SRBD1: variants seen among roughly 807,000 people sequenced by gnomAD.
SRBD1 encodes S1 RNA binding domain 1.
A neutral mutation model predicts 115.3 loss-of-function variants in SRBD1; 88 were observed. The ratio of observed to expected loss-of-function variants is 0.76; its 90% CI spans 0.64 to 0.91. The LOEUF is 0.91. Ranked by LOEUF, SRBD1 falls within the 40% of genes least tolerant of loss-of-function variation. SRBD1 has a pLI of 0.00. For missense variants in SRBD1, 1,385 were observed against 1,177.4 expected (o/e 1.18, Z -2.58); for synonymous variants, 509 against 407.7 (o/e 1.25, Z -2.99).
At chr2:45,546,881 T>A (rs892335463) in intron 13 of SRBD1, 42 bp from the exon 14 acceptor site, 26 of 1,571,064 alleles carry the variant, frequency 1.7e-5, no homozygotes, top group Non-Finnish European at 2.3e-5. Context: ...TTTCAAGGCA[T>A]GCTTTGAAAT....
At chr2:45,485,150 A>T (rs1670080150) in intron 15 of SRBD1, among the ~76,000 whole-genome samples, 1 of 152,146 alleles carries the variant, frequency 6.6e-6, no homozygotes, top group African/African-American at 2.4e-5. Context: ...CTTTTTAAAC[A>T]GACTTTCAAC....
At chr2:45,479,405 A>G (rs1374190447) in intron 15 of SRBD1, among the ~76,000 whole-genome samples, 1 of 152,232 alleles carries the variant, frequency 6.6e-6, no homozygotes, top group African/African-American at 2.4e-5. Flanking sequence ...GAGTTCTTGA[A>G]GGAAATTAAA....
chr2:45,452,408 T>G (rs150123216), intron 16 of SRBD1, among the ~76,000 whole-genome samples: 1 of 151,962 alleles, frequency 6.6e-6, no homozygotes, highest in African/African-American at 2.4e-5. Flanking sequence ...CAAGTAAGCA[T>G]CTAATAATAT....
At chr2:45,609,278 CTTT>C (rs973298103) in intron 1 of SRBD1, among the ~76,000 whole-genome samples, 1 of 152,170 alleles carries the variant, frequency 6.6e-6, no homozygotes, top group Non-Finnish European at 1.5e-5. Context: ...TGTTACAAAT[CTTT>C]TTTTCTTTCA....
chr2:45,555,910 C>T (rs532192214), intron 10 of SRBD1, among the ~76,000 whole-genome samples: 24 of 152,282 alleles, frequency 1.6e-4, no homozygotes, highest in Admixed American at 1.1e-3. Flanking sequence ...TTTCATCCAT[C>T]TACAGCATCT....
At chr2:45,460,458 CGA>C (rs1416565381) in intron 16 of SRBD1, among the ~76,000 whole-genome samples, 1 of 151,926 alleles carries the variant, frequency 6.6e-6, no homozygotes, top group Non-Finnish European at 1.5e-5. Context: ...GGAAGGGAGT[CGA>C]GGAAACAGGC....
At position 45,571,509 on chromosome 2, in the gene SRBD1, G is replaced by A. The variant is rs1340374863; in HGVS notation, c.1305+1698C>T. Among the ~76,000 whole-genome samples, 3 of 47,768 alleles carry A rather than the reference G, an allele frequency of 6.3e-5. No homozygotes were observed. In the East Asian group the frequency reaches 2.3e-3, roughly 36 times the overall value. 31.3% of individuals were successfully genotyped at this position (47,768 alleles called of 152,430 possible). A position where few individuals can be genotyped will look rare whatever the true frequency, so the allele number is the denominator to read the frequency against. On this transcript the variant is annotated intron_variant, in intron 9 of 20. Transcript: ENST00000263736. Reference sequence around the variant, plus strand: ...CAAGTTATAAAATACAACATATCCAGACTTTACCAAAAAAAAAAAAAAAAA... The same window carrying A: ...CAAGTTATAAAATACAACATATCCAAACTTTACCAAAAAAAAAAAAAAAAA...
rs747827680 is a variant in SRBD1 at position 45,553,658 on chromosome 2, T to A, written c.1482A>T (p.Lys494Asn). ...TACAGAGAAGAGGATAAATAAGGCG[T>A]TTAAAGGAATCATTCAGTGAATTAT... ...ILYNSLNDSF[K>N]RLIYPLLCRE... The change falls in exon 11 of 21, where the codon AAA becomes AAT. Residue 494 changes from lysine (K) to asparagine (N), a missense_variant. Lys to Asn is a moderately conservative substitution (Grantham distance 94). Transcript: ENST00000263736. 3.1e-6 allele frequency: 5 copies of A among 1,606,316 alleles called. No individual in the cohort carries two copies. Among genetic ancestry groups the A allele is most frequent in the Non-Finnish European group, 4.2e-6 (5 of 1,176,856 alleles).
intron 14 of SRBD1, among the ~76,000 whole-genome samples, chr2:45,518,416 G>T (rs1409993163): frequency 1.3e-5 from 2 of 152,168 alleles, no homozygotes; most frequent in Non-Finnish European, 2.9e-5. Flanking sequence ...TGACAGAACC[G>T]TATTATAATT....
intron 14 of SRBD1, among the ~76,000 whole-genome samples, chr2:45,529,332 TA>T (rs1334433664): frequency 6.6e-6 from 1 of 151,634 alleles, no homozygotes; most frequent in Non-Finnish European, 1.5e-5. Flanking sequence ...GAAAAAGCAG[TA>T]AAAAAATGAA....
intron 16 of SRBD1, among the ~76,000 whole-genome samples, chr2:45,427,294 A>C (rs1391541035): frequency 6.6e-6 from 1 of 152,208 alleles, no homozygotes; most frequent in Non-Finnish European, 1.5e-5. Context: ...CCTTAAATGT[A>C]AATGTGCTAA....
At chr2:45,557,831 C>T (rs1672530428) in intron 10 of SRBD1, among the ~76,000 whole-genome samples, 1 of 152,176 alleles carries the variant, frequency 6.6e-6, no homozygotes, top group Non-Finnish European at 1.5e-5. Flanking sequence ...TCTAATTCAA[C>T]AGTTAAATAC....
intron 16 of SRBD1, among the ~76,000 whole-genome samples, chr2:45,450,964 A>G (rs917057942): frequency 2.0e-5 from 3 of 152,158 alleles, no homozygotes; most frequent in Non-Finnish European, 4.4e-5. Flanking sequence ...AACATTTTTC[A>G]CTGAAAGTGG....
At chr2:45,423,564 C>G (rs1213328185) in intron 16 of SRBD1, among the ~76,000 whole-genome samples, 1 of 151,990 alleles carries the variant, frequency 6.6e-6, no homozygotes, top group Admixed American at 6.6e-5. Flanking sequence ...AATCAAAACT[C>G]TCCCAACAAA....
intron 16 of SRBD1, among the ~76,000 whole-genome samples, chr2:45,463,522 C>A (rs958017340): frequency 6.6e-6 from 1 of 152,112 alleles, no homozygotes; most frequent in Non-Finnish European, 1.5e-5. Context: ...AAGTGGCCCC[C>A]CATAGTGCTT....
intron 15 of SRBD1, among the ~76,000 whole-genome samples, chr2:45,480,815 T>C (rs1354759211): frequency 1.3e-5 from 2 of 152,200 alleles, no homozygotes; most frequent in Non-Finnish European, 2.9e-5. Flanking sequence ...AAACCTTCAC[T>C]GATAAAGCAG....
intron 10 of SRBD1, among the ~76,000 whole-genome samples, chr2:45,557,870 T>C (rs1368008622): frequency 2.6e-5 from 4 of 152,210 alleles, no homozygotes; most frequent in Non-Finnish European, 5.9e-5. Flanking sequence ...AGGACTCACT[T>C]AAACCAAATA....
intron 16 of SRBD1, 58 bp downstream of exon 16, chr2:45,476,935 T>G: frequency 1.3e-6 from 2 of 1,485,968 alleles, no homozygotes; most frequent in South Asian, 1.1e-5. Flanking sequence ...ATCCCAGGTT[T>G]GAGTACTGCT....
chr2:45,476,282 T>C (rs578175466), intron 16 of SRBD1, among the ~76,000 whole-genome samples: 1 of 152,284 alleles, frequency 6.6e-6, no homozygotes, highest in Non-Finnish European at 1.5e-5. Flanking sequence ...GTGTCTTCCA[T>C]ATCTAGTAGT....
Sources: gnomAD v4.1 joint callset for allele counts (sites outside exome capture counted in the v4.1 genomes callset) on GRCh38, gnomAD v4.1.1 for gene constraint, MANE v1.5 for transcripts, NCBI Gene and HGNC (gene_info 2026-07-23, HGNC 2026-07-21) for gene names.